The following OPCML variants were observed in gnomAD, a reference collection of about 807,000 sequenced individuals.
OPCML encodes opioid binding protein/cell adhesion molecule like, also known as opioid-binding protein/cell adhesion molecule.
OPCML carries 13 observed loss-of-function variants against 37.8 expected under a neutral mutation model. The ratio of observed to expected loss-of-function variants is 0.34; its 90% CI spans 0.22 to 0.55. OPCML has a LOEUF of 0.55. OPCML is among the 20% of genes least tolerant of loss of function. OPCML has a pLI of 0.91. For synonymous variants in OPCML, 176 were observed against 168.8 expected (o/e 1.04, Z -0.33); for missense variants, 341 against 435.6 (o/e 0.78, Z 1.93).
At chr11:132,633,576 C>T (rs1940289845) in intron 3 of OPCML, among the ~76,000 whole-genome samples, 1 of 152,102 alleles carries the variant, frequency 6.6e-6, no homozygotes, top group African/African-American at 2.4e-5. Flanking sequence ...TGGGTCTGAG[C>T]CTGGCCTCTT....
At position 132,419,961 on chromosome 11, in the gene OPCML, C is replaced by T. The variant is rs2095951709; in HGVS notation, c.*232G>A. On this transcript the variant is annotated 3_prime_UTR_variant, in exon 8 of 8. Transcript: ENST00000524381. ...GGAGCAGACCCCATTTTTGGACACACCAATGAATGATTATCCTACACGTGG... is the reference window on the plus strand; with the variant it reads ...GGAGCAGACCCCATTTTTGGACACATCAATGAATGATTATCCTACACGTGG... The T allele has an allele frequency of 2.0e-6, 1 of 509,522 alleles. No individual in the cohort carries two copies. Among genetic ancestry groups the T allele is most frequent in the Non-Finnish European group, 3.5e-6 (1 of 286,468 alleles). 31.6% of individuals were successfully genotyped at this position (509,522 alleles called of 1,614,324 possible). A position where few individuals can be genotyped will look rare whatever the true frequency, so the allele number is the denominator to read the frequency against.
At chr11:133,408,472 G>A (rs1945570914) in intron 1 of OPCML, among the ~76,000 whole-genome samples, 2 of 152,190 alleles carry the variant, frequency 1.3e-5, no homozygotes, top group Admixed American at 6.5e-5. Flanking sequence ...GATTACTTTA[G>A]ACTTTACAAC....
At chr11:133,319,146 T>A (rs1943272062) in intron 1 of OPCML, among the ~76,000 whole-genome samples, 1 of 152,248 alleles carries the variant, frequency 6.6e-6, no homozygotes, top group Non-Finnish European at 1.5e-5. Context: ...ATAAGATTTT[T>A]AAATTTCATT....
intron 1 of OPCML, among the ~76,000 whole-genome samples, chr11:133,414,668 T>G (rs1263477404): frequency 1.3e-5 from 2 of 152,136 alleles, no homozygotes; most frequent in African/African-American, 4.8e-5. Context: ...TTCTCAGGCT[T>G]TGACAACTCC....
intron 1 of OPCML, among the ~76,000 whole-genome samples, chr11:132,968,230 A>T (rs979209382): frequency 3.9e-5 from 6 of 152,068 alleles, no homozygotes; most frequent in Non-Finnish European, 5.9e-5. Context: ...TAGCATGTTT[A>T]CTCTCTTAGT....
chr11:132,818,911 A>G (rs1428365729), intron 2 of OPCML, among the ~76,000 whole-genome samples: 1 of 149,830 alleles, frequency 6.7e-6, no homozygotes, highest in African/African-American at 2.4e-5. Flanking sequence ...CATGTACCCT[A>G]AAACTTAAAG....
intron 2 of OPCML, among the ~76,000 whole-genome samples, chr11:132,897,177 C>T (rs1416378948): frequency 6.6e-6 from 1 of 152,182 alleles, no homozygotes; most frequent in Non-Finnish European, 1.5e-5. Flanking sequence ...CTGTTTGGAG[C>T]TTTTGGCAGG....
intron 3 of OPCML, among the ~76,000 whole-genome samples, chr11:132,633,958 CCTGT>C (rs1370195598): frequency 1.3e-5 from 2 of 152,162 alleles, no homozygotes; most frequent in Admixed American, 1.3e-4. Context: ...CCAGGTTCTT[CCTGT>C]CTTTCTTCTC....
intron 2 of OPCML, among the ~76,000 whole-genome samples, chr11:132,723,848 G>T (rs989272115): frequency 3.9e-5 from 6 of 152,174 alleles, no homozygotes; most frequent in African/African-American, 1.4e-4. Context: ...CTTTCCTTCT[G>T]CTCCAGGGAA....
intron 4 of OPCML, among the ~76,000 whole-genome samples, chr11:132,516,017 C>T (rs1319511922): frequency 6.6e-6 from 1 of 152,078 alleles, no homozygotes; most frequent in Non-Finnish European, 1.5e-5. Flanking sequence ...TGTTATGCAT[C>T]TTCTTGGTAA....
chr11:133,233,651 T>A (rs1339064693), intron 1 of OPCML, among the ~76,000 whole-genome samples: 1 of 152,210 alleles, frequency 6.6e-6, no homozygotes, highest in African/African-American at 2.4e-5. Context: ...ATCTCCACAT[T>A]TTATGGCTCC....
intron 1 of OPCML, among the ~76,000 whole-genome samples, chr11:133,510,199 C>T (rs574033176): frequency 1.3e-5 from 2 of 152,282 alleles, no homozygotes; most frequent in East Asian, 3.9e-4. Context: ...CCAGGAGGCC[C>T]CTTGATTCAA....
At chr11:133,025,006 G>T in intron 1 of OPCML, 1 of 985,306 alleles carries the variant, frequency 1.0e-6, no homozygotes, top group Non-Finnish European at 1.2e-6. Flanking sequence ...TTCTGACACA[G>T]GAAGTCCTCA....
chr11:133,338,967 C>G (rs1943802900), intron 1 of OPCML, among the ~76,000 whole-genome samples: 1 of 152,154 alleles, frequency 6.6e-6, no homozygotes, highest in Admixed American at 6.5e-5. Flanking sequence ...CCTGTTGTCC[C>G]TGCCCAGGTG....
chr11:133,314,740 G>A lies in OPCML; in HGVS notation c.61+217524C>T, dbSNP rs80116392. On this transcript the variant is annotated intron_variant, in intron 1 of 7. Coordinates refer to ENST00000524381, the MANE Select transcript of OPCML (RefSeq NM_001012393.5). ...CAGAACCATCAGGCACGCCTGGCCA[G>A]GACGCTAAGGCTCCATGTGCCCACG... 3.7e-3 allele frequency among the ~76,000 whole-genome samples: 565 copies of A among 152,250 alleles called. 2 individuals carry two copies. Among genetic ancestry groups the A allele is most frequent in the Non-Finnish European group, 5.4e-3 (367 of 68,022 alleles).
chr11:133,438,898 C>T (rs1324954442), intron 1 of OPCML, among the ~76,000 whole-genome samples: 1 of 152,158 alleles, frequency 6.6e-6, no homozygotes, highest in Non-Finnish European at 1.5e-5. Flanking sequence ...GGTTGGTGAA[C>T]ACATCAAGGG....
intron 1 of OPCML, among the ~76,000 whole-genome samples, chr11:133,108,604 C>T (rs1288640220): frequency 6.6e-6 from 1 of 152,104 alleles, no homozygotes. Context: ...CAGACACACA[C>T]ACACACATAT....
chr11:132,432,446 C>T (rs1466757157), intron 7 of OPCML, among the ~76,000 whole-genome samples: 1 of 152,128 alleles, frequency 6.6e-6, no homozygotes, highest in Non-Finnish European at 1.5e-5. Flanking sequence ...ACCACAGAAA[C>T]CAAACATCTT....
chr11:132,668,191 G>T (rs1591700317), intron 2 of OPCML, among the ~76,000 whole-genome samples: 3 of 152,186 alleles, frequency 2.0e-5, no homozygotes, highest in South Asian at 2.1e-4. Context: ...CCTTGTCAAT[G>T]ATGGGGATGT....
Sources: gnomAD v4.1 joint callset for allele counts (sites outside exome capture counted in the v4.1 genomes callset) on GRCh38, gnomAD v4.1.1 for gene constraint, MANE v1.5 for transcripts, NCBI Gene and HGNC (gene_info 2026-07-23, HGNC 2026-07-21) for gene names.